Variants in IMMP2L observed in about 807,000 individuals in gnomAD.
IMMP2L encodes the protein mitochondrial inner membrane protease subunit 2.
Under a neutral mutation model 19.3 loss-of-function variants are expected in IMMP2L, and 18 were observed. The observed-to-expected ratio is 0.93, with a 90% CI of 0.64 to 1.38. IMMP2L has a LOEUF of 1.38. IMMP2L is among the 40% of genes most tolerant of loss of function. The pLI, the probability that IMMP2L is intolerant of heterozygous loss-of-function variation, is 0.00. For missense variants in IMMP2L, 233 were observed against 218.2 expected (o/e 1.07, Z -0.43); for synonymous variants, 76 against 73.0 (o/e 1.04, Z -0.21).
intron 3 of IMMP2L, among the ~76,000 whole-genome samples, chr7:110,985,261 C>A (rs896779856): frequency 2.0e-5 from 3 of 152,036 alleles, no homozygotes; most frequent in Non-Finnish European, 2.9e-5. Flanking sequence ...TTTTAAGTCA[C>A]TAAGTCTGTA....
intron 3 of IMMP2L, among the ~76,000 whole-genome samples, chr7:111,417,152 T>C (rs1039742676): frequency 3.3e-5 from 5 of 151,800 alleles, no homozygotes; most frequent in African/African-American, 9.7e-5. Flanking sequence ...ATAAAACTCA[T>C]CATAAAGCTT....
In IMMP2L at chr7:110,926,571, T is replaced by C. The variant is rs139214589; in HGVS notation, c.305+36929A>G. 2.6e-5 allele frequency among the ~76,000 whole-genome samples: 4 copies of C among 152,250 alleles called. No individual in the cohort carries two copies. The South Asian group carries it at 6.2e-4, about 24-fold the overall frequency. ...TTTTTATTACAATATACAATATTCA[T>C]GGAACATCAATTAAAGGATGTATAT... On this transcript the variant is annotated intron_variant, in intron 4 of 5. Coordinates refer to ENST00000405709, the MANE Select transcript of IMMP2L (RefSeq NM_032549.4).
intron 1 of IMMP2L, 112 bp downstream of exon 1, chr7:111,561,739 A>C (rs1792091797): frequency 6.5e-6 from 1 of 152,786 alleles, no homozygotes; most frequent in Non-Finnish European, 1.5e-5. Flanking sequence ...GAAAAGGTAG[A>C]ATCTGGGCCC....
At chr7:110,967,899 A>G (rs939993497) in intron 3 of IMMP2L, among the ~76,000 whole-genome samples, 7 of 152,068 alleles carry the variant, frequency 4.6e-5, no homozygotes, top group African/African-American at 1.4e-4. Flanking sequence ...TTCCCTGTCA[A>G]ATTTGAAAAA....
At chr7:111,509,477 C>G (rs1418025748) in intron 2 of IMMP2L, among the ~76,000 whole-genome samples, 2 of 152,260 alleles carry the variant, frequency 1.3e-5, no homozygotes, top group South Asian at 4.2e-4. Flanking sequence ...TTTGAGCTGT[C>G]TCACCCTTGT....
chr7:110,663,281 AATAAGT>A lies in IMMP2L; in HGVS notation c.*315_*320del, dbSNP rs1202522730. ...AAAATCAAAACCCAACAATCAATAT[AATAAGT>A]ATATGTAACAAATAATCTGAAATTC... On this transcript the variant is annotated 3_prime_UTR_variant, in exon 6 of 6. Coordinates refer to ENST00000405709, the MANE Select transcript of IMMP2L (RefSeq NM_032549.4). 5.0e-6 allele frequency: 1 copy of A among 201,936 alleles called. No individual in the cohort carries two copies. Among genetic ancestry groups the A allele is most frequent in the African/African-American group, 2.4e-5 (1 of 42,212 alleles). 12.5% of individuals were successfully genotyped at this position (201,936 alleles called of 1,614,324 possible). A position where few individuals can be genotyped will look rare whatever the true frequency, so the allele number is the denominator to read the frequency against.
intron 3 of IMMP2L, among the ~76,000 whole-genome samples, chr7:111,142,352 G>GA (rs1283641039): frequency 1.9e-4 from 1 of 5,132 alleles, no homozygotes; most frequent in African/African-American, 3.4e-4. Flanking sequence ...AAGAAAGAAA[G>GA]AAAGAAAGAA....
chr7:111,307,318 CTTATT>C (rs1563039281), intron 3 of IMMP2L, among the ~76,000 whole-genome samples: 2 of 151,424 alleles, frequency 1.3e-5, no homozygotes. Context: ...TCTTGTTATT[CTTATT>C]TTAACAGTAT....
intron 3 of IMMP2L, among the ~76,000 whole-genome samples, chr7:110,972,311 T>A (rs943107111): frequency 2.0e-4 from 31 of 152,276 alleles, no homozygotes; most frequent in African/African-American, 6.3e-4. Flanking sequence ...AAAGTTTTTC[T>A]ATATATTTAA....
intron 3 of IMMP2L, among the ~76,000 whole-genome samples, chr7:111,291,910 A>C (rs1389493626): frequency 1.3e-5 from 2 of 152,172 alleles, no homozygotes; most frequent in Non-Finnish European, 2.9e-5. Flanking sequence ...AAAACAAAAC[A>C]AAAAGGCTTT....
chr7:111,539,086 C>T (rs919910792), intron 1 of IMMP2L, among the ~76,000 whole-genome samples: 2 of 147,804 alleles, frequency 1.4e-5, no homozygotes, highest in Non-Finnish European at 3.0e-5. Context: ...CCACTGCACT[C>T]CAGCCTTGGC....
chr7:111,320,836 A>G (rs1824611529), intron 3 of IMMP2L, among the ~76,000 whole-genome samples: 1 of 151,994 alleles, frequency 6.6e-6, no homozygotes. Flanking sequence ...ATCATACCAT[A>G]CAGTACTGTT....
At chr7:111,487,128 G>A (rs1842722679) in intron 3 of IMMP2L, 110 bp downstream of exon 3, 4 of 538,722 alleles carry the variant, frequency 7.4e-6, no homozygotes, top group Non-Finnish European at 6.6e-6. Flanking sequence ...TATTTAACAT[G>A]TATTCAATTT....
At chr7:111,093,662 G>A (rs944602826) in intron 3 of IMMP2L, among the ~76,000 whole-genome samples, 3 of 152,102 alleles carry the variant, frequency 2.0e-5, no homozygotes, top group Non-Finnish European at 4.4e-5. Context: ...GATCAGTAAT[G>A]TGCCCACTTC....
chr7:110,685,556 A>G (rs1239819552), intron 5 of IMMP2L, among the ~76,000 whole-genome samples: 2 of 152,090 alleles, frequency 1.3e-5, no homozygotes, highest in Admixed American at 1.3e-4. Context: ...CTGAACTAGG[A>G]GTTATGCCCT....
chr7:111,024,304 C>A (rs1481574799), intron 3 of IMMP2L, among the ~76,000 whole-genome samples: 1 of 152,152 alleles, frequency 6.6e-6, no homozygotes, highest in Non-Finnish European at 1.5e-5. Flanking sequence ...CGAGTAGTTT[C>A]CTCAGGCACA....
intron 5 of IMMP2L, among the ~76,000 whole-genome samples, chr7:110,788,602 C>A (rs187675604): frequency 3.3e-5 from 5 of 151,830 alleles, no homozygotes; most frequent in Admixed American, 6.6e-5. Context: ...TAGCATAGAA[C>A]CCTCTTTAAT....
intron 3 of IMMP2L, among the ~76,000 whole-genome samples, chr7:111,138,789 C>T (rs1802592261): frequency 6.6e-6 from 1 of 152,074 alleles, no homozygotes; most frequent in Non-Finnish European, 1.5e-5. Flanking sequence ...GTTGTTTTGC[C>T]AGAAAAAGAG....
chr7:110,963,116 G>A, intron 4 of IMMP2L: 1 of 1,501,196 alleles, frequency 6.7e-7, no homozygotes, highest in Non-Finnish European at 8.8e-7. Context: ...AGTCCTCTTA[G>A]TTTCTGCATT....
Sources: gnomAD v4.1 joint callset for allele counts (sites outside exome capture counted in the v4.1 genomes callset) on GRCh38, gnomAD v4.1.1 for gene constraint, MANE v1.5 for transcripts, NCBI Gene and HGNC (gene_info 2026-07-23, HGNC 2026-07-21) for gene names.